Variants in GLIS3 observed in about 807,000 individuals in gnomAD.
The protein encoded by GLIS3 is zinc finger protein GLIS3.
Under a neutral mutation model 78.6 loss-of-function variants are expected in GLIS3, and 53 were observed. That is an observed-to-expected ratio of 0.67 (90% CI 0.54 to 0.85). The LOEUF is 0.85. GLIS3 is among the 40% of genes least tolerant of loss of function. The pLI is 0.00. For missense variants in GLIS3, 1,703 were observed against 1,231.1 expected, an observed-to-expected ratio of 1.38 and a Z score of -5.74; for synonymous variants, 684 against 509.9, an observed-to-expected ratio of 1.34 and a Z score of -4.60.
intron 2 of GLIS3, among the ~76,000 whole-genome samples, chr9:4,272,917 C>A (rs73643723): frequency 3.9e-5 from 6 of 152,148 alleles, no homozygotes; most frequent in Admixed American, 3.3e-4. Flanking sequence ...CTAGTTTGTA[C>A]AACAAATTAT....
intron 2 of GLIS3, among the ~76,000 whole-genome samples, chr9:4,268,734 T>G (rs1826235974): frequency 6.6e-6 from 1 of 152,184 alleles, no homozygotes; most frequent in East Asian, 1.9e-4. Context: ...ACTTGTTGAT[T>G]TGATTCTGGA....
intron 2 of GLIS3, among the ~76,000 whole-genome samples, chr9:4,320,528 T>A (rs1400048040): frequency 6.6e-6 from 1 of 152,198 alleles, no homozygotes; most frequent in African/African-American, 2.4e-5. Flanking sequence ...ATTCTGTAGA[T>A]TTTACTTCTT....
chr9:3,829,462 G>A lies in GLIS3; in HGVS notation c.2504C>T (p.Pro835Leu), dbSNP rs766517772. 17 of 1,614,076 alleles carry A rather than the reference G, an allele frequency of 1.1e-5. No individual in the cohort carries two copies. The East Asian group carries it at 3.3e-4, about 32-fold the overall frequency. ...GFYGQLQKFC[P>L]PHYPDSQRIV... ...TCTCTGGGAATCGGGGTAGTGTGGG[G>A]GACAGAACTTCTGCAGCTGCCCATA... is the stretch of plus-strand genomic sequence containing the variant. The change falls in exon 10 of 11, where the codon CCC becomes CTC. Residue 835 changes from proline to leucine, a missense_variant. Physicochemically the swap from Pro to Leu is moderately conservative, Grantham distance 98. Coordinates refer to ENST00000381971, the MANE Select transcript of GLIS3 (RefSeq NM_001042413.2).
chr9:3,863,971 G>C (rs565806191), intron 8 of GLIS3, among the ~76,000 whole-genome samples: 1 of 152,216 alleles, frequency 6.6e-6, no homozygotes, highest in East Asian at 1.9e-4. Context: ...GAGTTTTCTG[G>C]AATATCCTGA....
the GLIS3 span, among the ~76,000 whole-genome samples, chr9:4,391,532 T>A: frequency 3.3e-5 from 5 of 150,104 alleles, no homozygotes. Context: ...ATTGCTAGAT[T>A]TATTCCATTC....
intron 6 of GLIS3, among the ~76,000 whole-genome samples, chr9:3,901,476 C>G (rs1326560123): frequency 1.3e-5 from 2 of 152,206 alleles, no homozygotes; most frequent in Admixed American, 6.5e-5. Context: ...CTTTTTCCAT[C>G]TAAAGAGCTG....
chr9:4,332,079 A>T (rs933059689), intron 2 of GLIS3, among the ~76,000 whole-genome samples: 8 of 152,178 alleles, frequency 5.3e-5, no homozygotes, highest in Non-Finnish European at 1.0e-4. Flanking sequence ...TCCTCCAAGG[A>T]TTTCTCATAT....
chr9:3,971,070 TAATTGAAGGAAGGAAGGAAGGATA>T (rs1371654092), intron 4 of GLIS3, among the ~76,000 whole-genome samples: 11 of 63,980 alleles, frequency 1.7e-4, no homozygotes, highest in African/African-American at 8.8e-4. Context: ...AAGGAAGGAT[TAATTGAAGGAAGGAAGGAAGGATA>T]GATCGAAGGA....
At chr9:4,488,747 A>G in the GLIS3 span, among the ~76,000 whole-genome samples, 3 of 151,860 alleles carry the variant, frequency 2.0e-5, no homozygotes, top group African/African-American at 7.3e-5. Context: ...CGAACTCTTG[A>G]CCTCAAGTGA....
chr9:3,888,639 G>A (rs1822233666), intron 7 of GLIS3, among the ~76,000 whole-genome samples: 1 of 152,134 alleles, frequency 6.6e-6, no homozygotes, highest in Non-Finnish European at 1.5e-5. Flanking sequence ...AAACTGCATC[G>A]ACAATGAAGC....
the GLIS3 span, among the ~76,000 whole-genome samples, chr9:4,484,326 C>A: frequency 1.3e-5 from 2 of 150,522 alleles, no homozygotes; most frequent in East Asian, 3.9e-4. Context: ...CAACCTCTGC[C>A]TCCCAAGTTC....
intron 4 of GLIS3, among the ~76,000 whole-genome samples, chr9:4,084,128 T>C (rs1828793087): frequency 6.6e-6 from 1 of 152,096 alleles, no homozygotes; most frequent in Non-Finnish European, 1.5e-5. Context: ...GTTTCTGGCT[T>C]GGTAGTATTA....
At chr9:3,842,674 T>C (rs1322289647) in intron 9 of GLIS3, among the ~76,000 whole-genome samples, 3 of 152,226 alleles carry the variant, frequency 2.0e-5, no homozygotes, top group Non-Finnish European at 4.4e-5. Flanking sequence ...GTGTTGAACA[T>C]GCACATTCCT....
At position 4,118,596 on chromosome 9, in the gene GLIS3, G is replaced by C; in HGVS notation, c.882C>G (p.His294Gln). 3 of 1,614,246 alleles carry C rather than the reference G, an allele frequency of 1.9e-6. No individual in the cohort carries two copies. The highest frequency in any genetic ancestry group is 2.5e-6 in the Non-Finnish European group (3 of 1,180,038). ...PSPRHSSTRS[H>Q]SARSKKRALS... is the part of the protein sequence containing the mutation. ...GCGCTCTCTTCTTGGAGCGGGCCGA[G>C]TGGGACCTGGTGGATGAGTGCCGAG... Residue 294 changes from histidine to glutamine, a missense_variant, in exon 4 of 11, where the codon CAC (histidine) becomes CAG (glutamine). Physicochemically the swap from His to Gln is conservative, Grantham distance 24 (BLOSUM62 0). Coordinates refer to ENST00000381971, the MANE Select transcript of GLIS3 (RefSeq NM_001042413.2). The surrounding 1 kb of genome is among the most constrained non-coding windows in gnomAD (Gnocchi z 4.7).
chr9:3,847,955 G>A (rs1394524316), intron 9 of GLIS3, among the ~76,000 whole-genome samples: 1 of 152,182 alleles, frequency 6.6e-6, no homozygotes, highest in Non-Finnish European at 1.5e-5. Context: ...GATAACATCA[G>A]AATAACATGA....
intron 4 of GLIS3, among the ~76,000 whole-genome samples, chr9:4,057,231 C>T (rs1349061555): frequency 2.0e-5 from 3 of 152,118 alleles, no homozygotes; most frequent in Non-Finnish European, 4.4e-5. Flanking sequence ...CCTTAGAAGG[C>T]CTCCACACTA....
chr9:4,419,492 T>C, the GLIS3 span, among the ~76,000 whole-genome samples: 343 of 152,172 alleles, frequency 2.3e-3, 1 homozygote, highest in African/African-American at 7.6e-3. Context: ...CTACATACTT[T>C]AAAACAACCA....
chr9:4,204,385 G>A (rs745460386), intron 2 of GLIS3, among the ~76,000 whole-genome samples: 4 of 152,136 alleles, frequency 2.6e-5, no homozygotes, highest in Non-Finnish European at 5.9e-5. Context: ...GAGAGTAAGA[G>A]ACTCCATGCA....
intron 2 of GLIS3, among the ~76,000 whole-genome samples, chr9:4,333,207 C>T (rs1188376960): frequency 2.9e-5 from 3 of 101,900 alleles, no homozygotes; most frequent in African/African-American, 1.1e-4. Flanking sequence ...CACAGTGAGA[C>T]AAGAATGAAA....
Sources: gnomAD v4.1 joint callset for allele counts (sites outside exome capture counted in the v4.1 genomes callset) on GRCh38, gnomAD v4.1.1 for gene constraint, Gnocchi (gnomAD v3.1) non-coding constraint, MANE v1.5 for transcripts, NCBI Gene and HGNC (gene_info 2026-07-23, HGNC 2026-07-21) for gene names.